Variants in NAP1L1 observed in about 807,000 individuals in gnomAD.
The protein encoded by NAP1L1 is nucleosome assembly protein 1 like 1, also known as nucleosome assembly protein 1-like 1.
A neutral mutation model predicts 58.9 loss-of-function variants in NAP1L1; 9 were observed. The ratio of observed to expected loss-of-function variants is 0.15; its 90% confidence interval spans 0.09 to 0.27. The LOEUF is 0.27. NAP1L1 is among the 10% of genes least tolerant of loss of function. NAP1L1 has a pLI of 1.00. For synonymous variants in NAP1L1, 130 were observed against 138.3 expected (o/e 0.94, Z 0.42); for missense variants, 302 against 458.8 (o/e 0.66, Z 3.12).
At position 76,046,319 on chromosome 12, in the gene NAP1L1, C is replaced by CTG. The variant is rs1410970863; in HGVS notation, c.*2108_*2109dup. 6.6e-6 allele frequency: 1 copy of CTG among 152,440 alleles called. No individual in the cohort carries two copies. The highest frequency in any genetic ancestry group is 2.4e-5 in the African/African-American group (1 of 41,528). 9.4% of individuals were successfully genotyped at this position (152,440 alleles called of 1,614,324 possible). On this transcript the variant is annotated 3_prime_UTR_variant, in exon 15 of 15. Coordinates refer to ENST00000618691, the MANE Select transcript of NAP1L1 (RefSeq NM_004537.7). ...CTTCAATTTTATAAAGAAAATTCTT[C>CTG]TGCAAACCACATCCCCTTTATGTAA...
chr12:76,083,838 C>G (rs1241913265), intron 1 of NAP1L1: 1 of 152,278 alleles, frequency 6.6e-6, no homozygotes, highest in Admixed American at 6.5e-5. Context: ...CTTACCCTTC[C>G]TTTTCACATT....
At chr12:76,052,182 A>C (rs1948871846) in intron 11 of NAP1L1, among the ~76,000 whole-genome samples, 1 of 152,102 alleles carries the variant, frequency 6.6e-6, no homozygotes, top group Non-Finnish European at 1.5e-5. Flanking sequence ...GGTGGGGAGG[A>C]ATTCAAACCA....
chr12:76,075,944 G>T (rs76236397), intron 1 of NAP1L1, among the ~76,000 whole-genome samples: 1 of 152,054 alleles, frequency 6.6e-6, no homozygotes, highest in Admixed American at 6.6e-5. Context: ...CAGAAGGACC[G>T]CTTGAGGCCA....
rs766386966 is a variant in NAP1L1, at chr12:76,042,095, G to A, written c.*6334C>T. 2.0e-5 allele frequency: 3 copies of A among 151,940 alleles called. No homozygotes were observed. The highest frequency in any genetic ancestry group is 2.9e-5 in the Non-Finnish European group (2 of 68,016). The allele number at this position is 151,940 out of a possible 1,614,324, so 9.4% of individuals were successfully genotyped here. On this transcript the variant is annotated 3_prime_UTR_variant, in exon 15 of 15. Coordinates refer to ENST00000618691, the MANE Select transcript of NAP1L1 (RefSeq NM_004537.7). The stretch of plus-strand genomic sequence containing the variant: ...TTACACATAAAATCTTCAAAACGAG[G>A]CATATGTTTAATTTTATTATCCAGT...
intron 1 of NAP1L1, among the ~76,000 whole-genome samples, chr12:76,079,542 T>C (rs898351531): frequency 2.6e-5 from 4 of 152,118 alleles, no homozygotes; most frequent in African/African-American, 7.2e-5. Flanking sequence ...AGAGTTGGTA[T>C]CACGTATTAA....
chr12:76,073,323 A>G (rs1222852001), intron 2 of NAP1L1, among the ~76,000 whole-genome samples: 2 of 152,118 alleles, frequency 1.3e-5, no homozygotes, highest in African/African-American at 2.4e-5. Context: ...CAAGTGCTCT[A>G]TTTTAACACG....
chr12:76,057,587 C>A, intron 6 of NAP1L1: 1 of 1,056,208 alleles, frequency 9.5e-7, no homozygotes. Flanking sequence ...AAAGGAGACC[C>A]AAGGAACAGA....
At chr12:76,056,398 TA>T (rs58993925) in intron 6 of NAP1L1, 3,571 of 375,366 alleles carry the variant, frequency 9.5e-3, no homozygotes, top group Middle Eastern at 0.016. Flanking sequence ...ACCATTTTAG[TA>T]AAAAAAAAAT....
chr12:76,056,520 T>C (rs1396606869), intron 6 of NAP1L1: 2 of 422,102 alleles, frequency 4.7e-6, no homozygotes, highest in Non-Finnish European at 9.4e-6. Flanking sequence ...AAACATTATA[T>C]TCTCTTTACC....
intron 4 of NAP1L1, among the ~76,000 whole-genome samples, chr12:76,067,134 G>C (rs1466379183): frequency 6.6e-6 from 1 of 152,010 alleles, no homozygotes; most frequent in African/African-American, 2.4e-5. Flanking sequence ...ACAAATCTCT[G>C]AAATGCTCAA....
At chr12:76,075,342 A>C (rs989088355) in intron 1 of NAP1L1, among the ~76,000 whole-genome samples, 6 of 152,212 alleles carry the variant, frequency 3.9e-5, no homozygotes, top group African/African-American at 1.4e-4. Context: ...GAATCAAGTT[A>C]TCTGGTAAAA....
At chr12:76,082,903 T>A (rs1950463616) in intron 1 of NAP1L1, among the ~76,000 whole-genome samples, 1 of 152,208 alleles carries the variant, frequency 6.6e-6, no homozygotes, top group Non-Finnish European at 1.5e-5. Context: ...AATCCACCTA[T>A]TTTCAAAAGG....
At chr12:76,077,119 T>C (rs1950210770) in intron 1 of NAP1L1, among the ~76,000 whole-genome samples, 1 of 152,228 alleles carries the variant, frequency 6.6e-6, no homozygotes, top group Non-Finnish European at 1.5e-5. Flanking sequence ...TTTTAATGTG[T>C]TCACAGAATG....
intron 2 of NAP1L1, among the ~76,000 whole-genome samples, chr12:76,071,466 G>T (rs764514695): frequency 6.6e-6 from 1 of 152,058 alleles, no homozygotes; most frequent in East Asian, 1.9e-4. Flanking sequence ...ATGATAAAGG[G>T]TTTTTTTGTT....
chr12:76,044,893 G>C lies in NAP1L1; in HGVS notation c.*3536C>G, dbSNP rs763797560. 81 of 152,086 alleles carry C rather than the reference G, an allele frequency of 5.3e-4. No individual in the cohort carries two copies. The highest frequency in any genetic ancestry group is 6.8e-3 in the Middle Eastern group (2 of 294). 9.4% of individuals were successfully genotyped at this position (152,086 alleles called of 1,614,324 possible). ...GATCCTCAATCAGTCCAAGAACTTG[G>C]CTTTTTATCCAGGTTATATTTTAAT... On this transcript the variant is annotated 3_prime_UTR_variant, in exon 15 of 15. Transcript: ENST00000618691.
At position 76,037,909 on chromosome 12, in the gene NAP1L1, T is replaced by G. The variant is rs1488401062; in HGVS notation, c.*10520A>C. 1 of 152,210 alleles carries G rather than the reference T, an allele frequency of 6.6e-6. No homozygotes were observed. Among genetic ancestry groups the G allele is most frequent in the Admixed American group, 6.5e-5 (1 of 15,278 alleles). The allele number at this position is 152,210 out of a possible 1,614,324, so 9.4% of individuals were successfully genotyped here. On this transcript the variant is annotated 3_prime_UTR_variant, in exon 15 of 15. Transcript: ENST00000618691. ...AGCACTTAAACTGAGGGGAAATGAC[T>G]AATGTTTTGTCTGGAAATGTATTGA...
chr12:76,076,575 T>C (rs1025671924), intron 1 of NAP1L1, among the ~76,000 whole-genome samples: 14 of 127,436 alleles, frequency 1.1e-4, no homozygotes, highest in Non-Finnish European at 2.1e-4. Flanking sequence ...TATATATATA[T>C]ATATATATAT....
chr12:76,073,634 C>T lies in NAP1L1; in HGVS notation c.17+569G>A, dbSNP rs1259756837. On this transcript the variant is annotated intron_variant, in intron 2 of 14. Transcript: ENST00000618691. The stretch of plus-strand genomic sequence containing the variant: ...TGCTTTACATAGCTAACTTTGTGAT[C>T]ACTATTCAGATTTTCAAAATTAAAC... Among the ~76,000 whole-genome samples the T allele has an allele frequency of 3.9e-5, 6 of 152,100 alleles. No individual in the cohort carries two copies. In the South Asian group the frequency reaches 1.0e-3, roughly 26 times the overall value.
intron 3 of NAP1L1, 22 bp from the exon 4 acceptor site, chr12:76,067,495 G>A (rs370344657): frequency 2.3e-5 from 36 of 1,533,728 alleles, no homozygotes; most frequent in South Asian, 4.6e-5. Flanking sequence ...AAAGGGCATC[G>A]AAAGAAGGAT....
Sources: gnomAD v4.1 joint callset for allele counts (sites outside exome capture counted in the v4.1 genomes callset) on GRCh38, gnomAD v4.1.1 for gene constraint, MANE v1.5 for transcripts, NCBI Gene and HGNC (gene_info 2026-07-23, HGNC 2026-07-21) for gene names.